The following ZNF286A variants were observed in gnomAD, a reference collection of about 807,000 sequenced individuals.
ZNF286A encodes the protein zinc finger protein ZNF286.
ZNF286A carries 34 observed loss-of-function variants against 49.3 expected under a neutral mutation model. That is an observed-to-expected ratio of 0.69 (90% CI 0.52 to 0.92). The LOEUF is 0.92. Ranked by LOEUF, ZNF286A falls within the 40% of genes least tolerant of loss-of-function variation. ZNF286A has a pLI of 0.00. For synonymous variants in ZNF286A, 155 were observed against 200.4 expected (o/e 0.77, Z 1.91); for missense variants, 462 against 600.2 (o/e 0.77, Z 2.41).
intron 5 of ZNF286A, among the ~76,000 whole-genome samples, chr17:15,709,421 G>A (rs1302956105): frequency 6.6e-6 from 1 of 151,912 alleles, no homozygotes; most frequent in Non-Finnish European, 1.5e-5. Flanking sequence ...GAACCCAGGA[G>A]GCAGAGGTTG....
intron 3 of ZNF286A, among the ~76,000 whole-genome samples, chr17:15,705,774 T>A (rs1473178748): frequency 1.3e-5 from 2 of 152,224 alleles, no homozygotes; most frequent in Non-Finnish European, 2.9e-5. Context: ...TTATGGTTTT[T>A]GTATTTTTTG....
At chr17:15,714,480 A>T (rs888217374) in intron 5 of ZNF286A, among the ~76,000 whole-genome samples, 2 of 152,148 alleles carry the variant, frequency 1.3e-5, no homozygotes, top group African/African-American at 4.8e-5. Flanking sequence ...CAAGCACTTA[A>T]TGTAGCACTT....
rs1346651307 is a variant in ZNF286A at position 15,717,481 on chromosome 17, T to A, written c.*191T>A. 5.7e-6 allele frequency: 6 copies of A among 1,051,516 alleles called. No individual in the cohort carries two copies. Among genetic ancestry groups the A allele is most frequent in the Non-Finnish European group, 7.9e-6 (6 of 764,166 alleles). 65.1% of individuals were successfully genotyped at this position (1,051,516 alleles called of 1,614,324 possible). A position where few individuals can be genotyped will look rare whatever the true frequency, so the allele number is the denominator to read the frequency against. On this transcript the variant is annotated 3_prime_UTR_variant, in exon 6 of 6. Transcript: ENST00000583566. ...GTCCGTTAATTTGATAATTATGAAA[T>A]CTAGCCAGCGATTTCAAAATTTTAA...
intron 5 of ZNF286A, among the ~76,000 whole-genome samples, chr17:15,713,777 C>T (rs952545398): frequency 1.3e-5 from 2 of 150,714 alleles, no homozygotes; most frequent in Non-Finnish European, 3.0e-5. Context: ...TTTAGGAAGC[C>T]ATCAAGCTCT....
intron 5 of ZNF286A, among the ~76,000 whole-genome samples, chr17:15,712,176 TCTCC>T (rs1344020550): frequency 4.9e-4 from 75 of 151,658 alleles, no homozygotes; most frequent in African/African-American, 1.3e-3. Context: ...CCAGCAATAA[TCTCC>T]CTATTTTTAA....
chr17:15,704,851 T>G (rs973199195), intron 3 of ZNF286A: 1 of 1,612,404 alleles, frequency 6.2e-7, no homozygotes, highest in Non-Finnish European at 8.5e-7. Context: ...CACCTCCTTG[T>G]ACACCAGGCG....
rs1989617335 is a variant in ZNF286A at position 15,699,792 on chromosome 17, G to A, written c.-196+15G>A. The A allele has an allele frequency of 1.4e-6, 1 of 702,912 alleles. No homozygotes were observed. The highest frequency in any genetic ancestry group is 1.5e-5 in the South Asian group (1 of 67,596). The allele number at this position is 702,912 out of a possible 1,614,324, so 43.5% of individuals were successfully genotyped here. The stretch of plus-strand genomic sequence containing the variant: ...CGGGATGGGAGGTGAGTTGCTTGTG[G>A]TGATGTCGCTCGTCTCGGCTCGGCC... On this transcript the variant is annotated intron_variant, in intron 1 of 5. Coordinates refer to ENST00000583566, the MANE Select transcript of ZNF286A (RefSeq NM_001130842.2).
rs571081647 is a variant in ZNF286A at position 15,708,863 on chromosome 17, G to C, written c.334+616G>C. Among the ~76,000 whole-genome samples, 4 of 152,278 alleles carry C rather than the reference G, an allele frequency of 2.6e-5. No individual in the cohort carries two copies. The East Asian group carries it at 7.7e-4, about 29-fold the overall frequency. On this transcript the variant is annotated intron_variant, in intron 5 of 5. Transcript: ENST00000583566. ...TCTTCTGAAGATGAGTATTTGGATA[G>C]TTTCCAGTTTTTAGCTGTCTGAATA...
intron 3 of ZNF286A, among the ~76,000 whole-genome samples, chr17:15,706,030 A>G (rs1028176380): frequency 2.0e-5 from 3 of 152,196 alleles, no homozygotes; most frequent in African/African-American, 7.2e-5. Context: ...AGCATTATGT[A>G]GACGTGACTT....
At chr17:15,707,424 ACT>A (rs1438868456) in intron 4 of ZNF286A, among the ~76,000 whole-genome samples, 2 of 140,636 alleles carry the variant, frequency 1.4e-5, no homozygotes, top group South Asian at 2.4e-4. Flanking sequence ...TTTTTGTAAG[ACT>A]CTGTCTAAAA....
At chr17:15,710,273 A>G (rs907283646) in intron 5 of ZNF286A, among the ~76,000 whole-genome samples, 5 of 149,428 alleles carry the variant, frequency 3.3e-5, no homozygotes, top group African/African-American at 1.3e-4. Flanking sequence ...AGAATTAAAC[A>G]TTTTTAATAA....
chr17:15,709,882 C>G (rs1477882034), intron 5 of ZNF286A: 11 of 1,543,476 alleles, frequency 7.1e-6, no homozygotes, highest in Admixed American at 2.0e-5. Context: ...AGGGAGATAA[C>G]TGGAAGAAGA....
chr17:15,709,735 A>T (rs1184699930), intron 5 of ZNF286A: 1 of 1,323,378 alleles, frequency 7.6e-7, no homozygotes, highest in African/African-American at 1.5e-5. Flanking sequence ...ATATATATGA[A>T]TTATGTTATT....
rs372037998 is a variant in ZNF286A, at chr17:15,706,456, C to T, written c.196C>T (p.Gln66Ter). The T allele has an allele frequency of 1.9e-6, 3 of 1,613,538 alleles. No homozygotes were observed. The highest frequency in any genetic ancestry group is 2.5e-6 in the Non-Finnish European group (3 of 1,179,790). Residue 66 changes from glutamine (Q) to a stop codon, truncating the protein, a stop_gained, in exon 4 of 6, where the codon CAA becomes TAA. Transcript: ENST00000583566. LOFTEE classifies it high-confidence loss of function. Reference protein sequence around the residue: ...PEEWGKLDPAQRDVMLENYRN... With the variant: ...PEEWGKLDPA ...GGAGTGGGGGAAGCTGGATCCTGCACAAAGGGATGTGATGCTGGAGAACTA... is the reference window on the plus strand; with the variant it reads ...GGAGTGGGGGAAGCTGGATCCTGCATAAAGGGATGTGATGCTGGAGAACTA...
At chr17:15,715,275 T>C (rs982876664) in intron 5 of ZNF286A, among the ~76,000 whole-genome samples, 56 of 151,964 alleles carry the variant, frequency 3.7e-4, no homozygotes, top group Admixed American at 2.2e-3. Context: ...TTTTTCTTTA[T>C]AAAAAAGTAG....
chr17:15,706,037 A>T (rs182228338), intron 3 of ZNF286A, among the ~76,000 whole-genome samples: 8 of 152,280 alleles, frequency 5.3e-5, no homozygotes, highest in Non-Finnish European at 1.0e-4. Context: ...TGTAGACGTG[A>T]CTTTTTTTCC....
chr17:15,704,970 G>A, intron 3 of ZNF286A: 5 of 1,231,264 alleles, frequency 4.1e-6, no homozygotes, highest in Non-Finnish European at 5.5e-6. Context: ...GGCCGGGGCG[G>A]GGGCCCAACT....
Position 15,717,939 on chromosome 17 carries a change from T to TA in ZNF286A, c.*649_*650insA, listed in dbSNP as rs1296893031. Reference sequence around the variant, plus strand: ...ATTATGTACATCATTGATTTTTTTTTTTTTTTTTTTTTGAGACAGAGTCTT... The same window carrying TA: ...ATTATGTACATCATTGATTTTTTTTTATTTTTTTTTTTTGAGACAGAGTCTT... On this transcript the variant is annotated 3_prime_UTR_variant, in exon 6 of 6. Coordinates refer to ENST00000583566, the MANE Select transcript of ZNF286A (RefSeq NM_001130842.2). 7.0e-6 allele frequency: 1 copy of TA among 143,000 alleles called. No individual in the cohort carries two copies. Among genetic ancestry groups the TA allele is most frequent in the African/African-American group, 2.7e-5 (1 of 37,506 alleles). 8.9% of individuals were successfully genotyped at this position (143,000 alleles called of 1,614,324 possible). A position where few individuals can be genotyped will look rare whatever the true frequency, so the allele number is the denominator to read the frequency against.
At chr17:15,707,169 G>A (rs1032474160) in intron 4 of ZNF286A, among the ~76,000 whole-genome samples, 5 of 152,076 alleles carry the variant, frequency 3.3e-5, no homozygotes, top group African/African-American at 7.2e-5. Flanking sequence ...GGCCGGGCGC[G>A]GTGGCTCACG....
Sources: gnomAD v4.1 joint callset for allele counts (sites outside exome capture counted in the v4.1 genomes callset) on GRCh38, gnomAD v4.1.1 for gene constraint, MANE v1.5 for transcripts, NCBI Gene and HGNC (gene_info 2026-07-23, HGNC 2026-07-21) for gene names.